Variants in CCNY observed in about 807,000 individuals in gnomAD.
The protein encoded by CCNY is cyclin Y, also known as cyclin-Y.
Under a neutral mutation model 42.8 loss-of-function variants are expected in CCNY, and 19 were observed. The ratio of observed to expected loss-of-function variants is 0.44; its 90% confidence interval spans 0.31 to 0.65. The LOEUF (loss-of-function observed/expected upper bound fraction) is 0.65, where lower values mean the gene tolerates loss of function less well. Among genes scored for constraint, CCNY ranks in the 30% least tolerant of loss-of-function variants. The probability of loss-of-function intolerance (pLI) is 0.07; values close to 1 mark genes in which losing one functional copy is unlikely to be tolerated. For synonymous variants in CCNY, 165 were observed against 162.7 expected (o/e 1.01, Z -0.11); for missense variants, 370 against 437.3 (o/e 0.85, Z 1.37).
At chr10:35,516,314 G>T (rs947780464) in intron 3 of CCNY, among the ~76,000 whole-genome samples, 1 of 152,146 alleles carries the variant, frequency 6.6e-6, no homozygotes, top group Non-Finnish European at 1.5e-5. Context: ...GGGACTAGGT[G>T]TGGTCCTGGT....
At chr10:35,258,715 A>T (rs1031879130) in intron 3 of CCNY, among the ~76,000 whole-genome samples, 3 of 152,078 alleles carry the variant, frequency 2.0e-5, no homozygotes, top group Non-Finnish European at 4.4e-5. Flanking sequence ...AGGTGGGCGG[A>T]TCATGAGGTC....
chr10:35,454,380 C>T (rs776526392), intron 1 of CCNY, among the ~76,000 whole-genome samples: 17 of 152,214 alleles, frequency 1.1e-4, no homozygotes, highest in Admixed American at 1.1e-3. Flanking sequence ...CGCAGGTTTA[C>T]CAAAGGTTGT....
intron 1 of CCNY, among the ~76,000 whole-genome samples, chr10:35,410,449 C>T (rs953669245): frequency 2.0e-5 from 3 of 151,860 alleles, no homozygotes; most frequent in South Asian, 2.1e-4. Context: ...CATGTGATCA[C>T]GGAAACACTG....
intron 2 of CCNY, among the ~76,000 whole-genome samples, chr10:35,483,993 C>T (rs1441263856): frequency 2.6e-5 from 4 of 152,046 alleles, no homozygotes; most frequent in African/African-American, 4.8e-5. Flanking sequence ...TCTTGTAGAT[C>T]GTACCATCTT....
At chr10:35,439,316 G>A (rs1838613179) in intron 1 of CCNY, among the ~76,000 whole-genome samples, 2 of 151,986 alleles carry the variant, frequency 1.3e-5, no homozygotes, top group Admixed American at 6.6e-5. Context: ...TCTATTTCTC[G>A]ATTTCTCTCT....
At chr10:35,461,053 C>T (rs1020835426) in intron 1 of CCNY, among the ~76,000 whole-genome samples, 13 of 152,122 alleles carry the variant, frequency 8.5e-5, no homozygotes, top group Admixed American at 2.6e-4. Context: ...AAATAGGAGA[C>T]GATGGCATGG....
chr10:35,435,094 T>G (rs1838499766), intron 1 of CCNY, among the ~76,000 whole-genome samples: 1 of 152,160 alleles, frequency 6.6e-6, no homozygotes, highest in South Asian at 2.1e-4. Flanking sequence ...AGTTGAGGCA[T>G]CAACATGTGG....
chr10:35,569,040 T>C lies in CCNY; in HGVS notation c.910-14T>C, dbSNP rs755759502. On this transcript the variant is annotated splice_polypyrimidine_tract_variant and intron_variant, in intron 9 of 9. Coordinates refer to ENST00000374704, the MANE Select transcript of CCNY (RefSeq NM_145012.6). ...TGGCCCGCCCTGACCCACACTGTCTTTCTTGCCCCTCAGGCCATCTCTCGC... is the reference window on the plus strand; with the variant it reads ...TGGCCCGCCCTGACCCACACTGTCTCTCTTGCCCCTCAGGCCATCTCTCGC... 1 of 1,567,664 alleles carries C rather than the reference T, an allele frequency of 6.4e-7. No homozygotes were observed. The highest frequency in any genetic ancestry group is 8.8e-7 in the Non-Finnish European group (1 of 1,138,466).
chr10:35,539,362 G>A lies in CCNY; in HGVS notation c.579+9119G>A, dbSNP rs992776715. On this transcript the variant is annotated intron_variant, in intron 7 of 9. Transcript: ENST00000374704. ...TATGTAGATCAGTTTGGGAAGTATT[G>A]CAGTCTTAGCAATATTAAGCATTCA... is the stretch of plus-strand genomic sequence containing the variant. 1.4e-4 allele frequency among the ~76,000 whole-genome samples: 21 copies of A among 152,140 alleles called. 1 individual carries two copies. The highest frequency in any genetic ancestry group is 4.8e-4 in the African/African-American group (20 of 41,416).
At chr10:35,507,007 CCTG>C (rs1447893402) in intron 3 of CCNY, among the ~76,000 whole-genome samples, 2 of 152,190 alleles carry the variant, frequency 1.3e-5, no homozygotes, top group African/African-American at 4.8e-5. Context: ...CACAACCACT[CCTG>C]CTAGCTGGGC....
intron 4 of CCNY, among the ~76,000 whole-genome samples, chr10:35,522,042 C>T (rs1840558225): frequency 6.6e-6 from 1 of 152,158 alleles, no homozygotes; most frequent in Admixed American, 6.5e-5. Context: ...CAGCCCAGTA[C>T]AATTCTCCTT....
intron 3 of CCNY, among the ~76,000 whole-genome samples, chr10:35,275,945 C>T (rs1289149317): frequency 2.0e-5 from 3 of 152,240 alleles, no homozygotes; most frequent in Non-Finnish European, 2.9e-5. Flanking sequence ...AATCCAGACT[C>T]TATCCAATAA....
At chr10:35,283,300 C>CA (rs1835317665) in intron 3 of CCNY, among the ~76,000 whole-genome samples, 1 of 151,890 alleles carries the variant, frequency 6.6e-6, no homozygotes, top group African/African-American at 2.4e-5. Flanking sequence ...ATAAAAATAT[C>CA]AATATTTCAT....
intron 1 of CCNY, among the ~76,000 whole-genome samples, chr10:35,454,605 G>A (rs1838990026): frequency 2.0e-5 from 3 of 152,206 alleles, no homozygotes; most frequent in Admixed American, 2.0e-4. Context: ...GGCTTCCTTC[G>A]GGTTTTGTGA....
At chr10:35,329,610 T>C (rs1030681454) in intron 3 of CCNY, among the ~76,000 whole-genome samples, 8 of 152,192 alleles carry the variant, frequency 5.3e-5, no homozygotes. Context: ...ATCTCCAGTA[T>C]GAAGGACAAA....
chr10:35,340,053 G>A (rs1386661737), intron 1 of CCNY, among the ~76,000 whole-genome samples: 2 of 152,296 alleles, frequency 1.3e-5, no homozygotes, highest in East Asian at 3.9e-4. Context: ...GTCACCAGCT[G>A]CCGCTCTAAG....
intron 3 of CCNY, among the ~76,000 whole-genome samples, chr10:35,292,771 CTTTGTT>C (rs1564360324): frequency 2.2e-5 from 3 of 138,684 alleles, no homozygotes; most frequent in Non-Finnish European, 3.1e-5. Flanking sequence ...TGTAAGAGTG[CTTTGTT>C]TTTGTTTTTT....
chr10:35,285,418 T>C (rs1442349337), intron 3 of CCNY, among the ~76,000 whole-genome samples: 1 of 152,120 alleles, frequency 6.6e-6, no homozygotes, highest in Non-Finnish European at 1.5e-5. Flanking sequence ...TCCATTTTGA[T>C]AATCTCTATT....
chr10:35,439,248 C>CT (rs908071077), intron 1 of CCNY, among the ~76,000 whole-genome samples: 10 of 152,208 alleles, frequency 6.6e-5, no homozygotes, highest in African/African-American at 2.2e-4. Context: ...AATGTTAGTT[C>CT]TTTTTTCACA....
Sources: allele counts gnomAD v4.1 joint callset (sites outside exome capture counted in the v4.1 genomes callset), GRCh38; gene constraint gnomAD v4.1.1; transcripts MANE v1.5; gene names NCBI Gene and HGNC (gene_info 2026-07-23, HGNC 2026-07-21).